Variants in NHERF2 observed in about 807,000 individuals in gnomAD.
The protein encoded by NHERF2 is NHERF family PDZ scaffold protein 2, also known as Na(+)/H(+) exchange regulatory cofactor NHE-RF2.
At chr16:2,027,266 G>C in the NHERF2 span, 1 of 1,179,420 alleles carries the variant, frequency 8.5e-7, no homozygotes, top group African/African-American at 1.6e-5. Context: ...CCCCGAGCGC[G>C]TCCCCCTGGG....
At chr16:2,033,534 G>A in the NHERF2 span, 1 of 1,256,472 alleles carries the variant, frequency 8.0e-7, no homozygotes, top group Non-Finnish European at 1.1e-6. Context: ...TAAGCAGGCT[G>A]GTCGCTGAGC....
chr16:2,034,810 C>G, the NHERF2 span, among the ~76,000 whole-genome samples: 1 of 150,660 alleles, frequency 6.6e-6, no homozygotes, highest in African/African-American at 2.4e-5. Context: ...GGACTCCTGT[C>G]CCCACGCCTT....
At chr16:2,038,999 T>G in the NHERF2 span, 1 of 152,334 alleles carries the variant, frequency 6.6e-6, no homozygotes, top group African/African-American at 2.4e-5. Flanking sequence ...GCATGCGCGC[T>G]CTCAGGATAA....
the NHERF2 span, chr16:2,038,249 G>A: frequency 3.5e-6 from 2 of 578,370 alleles, no homozygotes; most frequent in Non-Finnish European, 6.2e-6. Context: ...GACACAGAGA[G>A]AGACAGAGAG....
the NHERF2 span, chr16:2,038,243 CAG>C: frequency 6.9e-5 from 39 of 569,040 alleles, no homozygotes; most frequent in Non-Finnish European, 1.1e-4. Flanking sequence ...GAGAGAGACA[CAG>C]AGAGAGACAG....
the NHERF2 span, chr16:2,029,416 G>T: frequency 1.6e-6 from 1 of 624,454 alleles, no homozygotes; most frequent in Admixed American, 2.6e-5. Context: ...GGAGCCGCTG[G>T]AGTCCGGGGG....
the NHERF2 span, chr16:2,029,720 C>T: frequency 6.4e-7 from 1 of 1,556,712 alleles, no homozygotes; most frequent in Admixed American, 1.9e-5. Context: ...CGCCCACGAC[C>T]CCTGGGAGCC....
the NHERF2 span, chr16:2,038,260 A>AGAGCGAGC: frequency 3.5e-6 from 2 of 566,050 alleles, no homozygotes; most frequent in African/African-American, 3.8e-5. Context: ...AGACAGAGAG[A>AGAGCGAGC]GAGCGAGCGA....
the NHERF2 span, among the ~76,000 whole-genome samples, chr16:2,033,734 G>T: frequency 6.6e-6 from 1 of 152,068 alleles, no homozygotes; most frequent in Admixed American, 6.5e-5. Flanking sequence ...GGCGGGAGGC[G>T]GCAGGAAGTG....
At chr16:2,036,464 C>T in the NHERF2 span, 44 of 1,602,080 alleles carry the variant, frequency 2.7e-5, no homozygotes, top group Non-Finnish European at 3.1e-5. Context: ...GCTCACCTGC[C>T]GCCCGCTCTG....
chr16:2,037,049 G>A, the NHERF2 span: 1 of 1,542,592 alleles, frequency 6.5e-7, no homozygotes, highest in Non-Finnish European at 8.8e-7. Context: ...GGGGTACCCA[G>A]GCCCGACAGA....
the NHERF2 span, chr16:2,036,438 C>G: frequency 6.2e-7 from 1 of 1,605,706 alleles, no homozygotes; most frequent in South Asian, 1.1e-5. Flanking sequence ...CCAGTACATC[C>G]GCTCTGTGGA....
At chr16:2,032,923 A>C in the NHERF2 span, 1 of 1,074,216 alleles carries the variant, frequency 9.3e-7, no homozygotes, top group Non-Finnish European at 1.1e-6. The surrounding 1 kb of genome is among the most constrained non-coding windows in gnomAD (Gnocchi z 4.0). Flanking sequence ...AGCAGGTGTG[A>C]GGGGTGACAG....
At chr16:2,038,283 C>T in the NHERF2 span, 31 of 540,122 alleles carry the variant, frequency 5.7e-5, no homozygotes, top group East Asian at 7.5e-4. Context: ...GCGCGGCAGC[C>T]GCGGGGCGAG....
chr16:2,028,498 G>A, the NHERF2 span, among the ~76,000 whole-genome samples: 1 of 152,192 alleles, frequency 6.6e-6, no homozygotes, highest in Admixed American at 6.5e-5. Context: ...TCTCCCCACT[G>A]CCCCAGGAGG....
chr16:2,030,248 G>A, the NHERF2 span, among the ~76,000 whole-genome samples: 14 of 152,322 alleles, frequency 9.2e-5, no homozygotes, highest in African/African-American at 3.4e-4. Flanking sequence ...AGGCAGCGCC[G>A]TGGTTGGGGA....
At chr16:2,038,379 T>C in the NHERF2 span, 4 of 424,020 alleles carry the variant, frequency 9.4e-6, no homozygotes, top group East Asian at 7.5e-5. Flanking sequence ...GCTCCACACA[T>C]GTTTCCACTT....
chr16:2,036,955 G>T, the NHERF2 span: 11 of 1,557,116 alleles, frequency 7.1e-6, no homozygotes, highest in Middle Eastern at 3.5e-4. Context: ...GTCCCCACAG[G>T]TCCTCTGCCG....
chr16:2,027,592 C>A, the NHERF2 span, among the ~76,000 whole-genome samples: 5 of 152,196 alleles, frequency 3.3e-5, no homozygotes, highest in Non-Finnish European at 7.3e-5. Context: ...CACAGCTGGG[C>A]GTGTGTATGC....
Sources: allele counts gnomAD v4.1 joint callset (sites outside exome capture counted in the v4.1 genomes callset), GRCh38; gene constraint gnomAD v4.1.1; non-coding constraint Gnocchi (gnomAD v3.1); transcripts MANE v1.5; gene names NCBI Gene and HGNC (gene_info 2026-07-23, HGNC 2026-07-21).